DGKB: variants seen among roughly 807,000 people sequenced by gnomAD.
DGKB encodes the protein diacylglycerol kinase beta.
A neutral mutation model predicts 114.3 loss-of-function variants in DGKB; 67 were observed. The observed-to-expected ratio is 0.59, with a 90% CI of 0.48 to 0.72. The LOEUF (loss-of-function observed/expected upper bound fraction) is 0.72, where lower values mean the gene tolerates loss of function less well. Among genes scored for constraint, DGKB ranks in the 30% least tolerant of loss-of-function variants. DGKB has a pLI of 0.00. For missense variants in DGKB, 907 were observed against 975.2 expected, an observed-to-expected ratio of 0.93 and a Z score of 0.93; for synonymous variants, 398 against 323.1, an observed-to-expected ratio of 1.23 and a Z score of -2.49.
Position 14,354,177 on chromosome 7 carries a change from AAT to A in DGKB, c.1836-8788_1836-8787del, listed in dbSNP as rs1249574344. 3.9e-5 allele frequency among the ~76,000 whole-genome samples: 6 copies of A among 152,326 alleles called. No homozygotes were observed. In the East Asian group the frequency reaches 1.2e-3, roughly 29 times the overall value. ...TATTTAAGATATGGTATTTCTCTAT[AAT>A]ATAAATAGGAACATGTACAGCCTAG... On this transcript the variant is annotated intron_variant, in intron 21 of 25. Transcript: ENST00000402815.
chr7:14,840,214 C>T (rs1045589657), intron 2 of DGKB, among the ~76,000 whole-genome samples: 2 of 152,108 alleles, frequency 1.3e-5, no homozygotes, highest in African/African-American at 2.4e-5. Context: ...TTCACTATCA[C>T]GTGCTGTTTG....
intron 17 of DGKB, among the ~76,000 whole-genome samples, chr7:14,605,984 G>A (rs1374972589): frequency 6.6e-6 from 1 of 152,116 alleles, no homozygotes; most frequent in East Asian, 1.9e-4. Context: ...GTAATTAGCA[G>A]AGCCAATTGA....
At chr7:14,861,530 A>G (rs1850975030) in intron 1 of DGKB, among the ~76,000 whole-genome samples, 1 of 151,794 alleles carries the variant, frequency 6.6e-6, no homozygotes, top group Admixed American at 6.6e-5. Context: ...ATAATAAAGT[A>G]CCCTCCCTTG....
intron 25 of DGKB, among the ~76,000 whole-genome samples, chr7:14,152,088 G>A (rs1446965902): frequency 5.9e-5 from 9 of 151,886 alleles, no homozygotes; most frequent in Admixed American, 4.6e-4. Flanking sequence ...TGCCTGTTTT[G>A]TATACATTGA....
chr7:14,854,001 T>C (rs1849766645), intron 1 of DGKB, among the ~76,000 whole-genome samples: 1 of 152,138 alleles, frequency 6.6e-6, no homozygotes, highest in South Asian at 2.1e-4. Context: ...CTTTATCACA[T>C]CTTGCCTGAC....
At chr7:14,278,603 C>T (rs1022064778) in intron 23 of DGKB, among the ~76,000 whole-genome samples, 1 of 151,974 alleles carries the variant, frequency 6.6e-6, no homozygotes, top group African/African-American at 2.4e-5. Context: ...GGGATATGAC[C>T]CCCAAAGCAC....
chr7:14,521,451 T>C (rs1054455892), intron 20 of DGKB, among the ~76,000 whole-genome samples: 2 of 152,148 alleles, frequency 1.3e-5, no homozygotes, highest in Admixed American at 1.3e-4. Flanking sequence ...GATTTTAGAG[T>C]GCTGTAGATT....
intron 5 of DGKB, among the ~76,000 whole-genome samples, chr7:14,729,258 G>C (rs1395054926): frequency 1.3e-5 from 2 of 149,564 alleles, no homozygotes; most frequent in Non-Finnish European, 3.0e-5. Flanking sequence ...GAGTAGCTGG[G>C]ACTACAGGCG....
intron 23 of DGKB, among the ~76,000 whole-genome samples, chr7:14,188,696 T>G (rs1157263895): frequency 6.8e-6 from 1 of 146,280 alleles, no homozygotes; most frequent in East Asian, 2.0e-4. Context: ...GATCCCCAAT[T>G]ACATTCAATC....
intron 1 of DGKB, among the ~76,000 whole-genome samples, chr7:14,850,598 T>C (rs144507788): frequency 1.8e-3 from 280 of 152,254 alleles, no homozygotes; most frequent in African/African-American, 6.2e-3. Flanking sequence ...TTCTCAATGA[T>C]GTATAAGTCT....
intron 13 of DGKB, among the ~76,000 whole-genome samples, chr7:14,670,288 T>C (rs1408564464): frequency 1.3e-5 from 2 of 150,896 alleles, no homozygotes; most frequent in South Asian, 2.1e-4. Flanking sequence ...TTATACTATA[T>C]ATATATATAT....
At chr7:14,815,405 G>T (rs1169145135) in intron 2 of DGKB, among the ~76,000 whole-genome samples, 2 of 152,176 alleles carry the variant, frequency 1.3e-5, no homozygotes, top group East Asian at 3.8e-4. Context: ...AATATCTCAA[G>T]TCTGGATATC....
At position 14,639,095 on chromosome 7, in the gene DGKB, C is replaced by T. The variant is rs570669278; in HGVS notation, c.1135-8827G>A. Among the ~76,000 whole-genome samples the T allele has an allele frequency of 9.6e-4, 146 of 151,954 alleles. 1 individual carries two copies. The highest frequency in any genetic ancestry group is 3.5e-3 in the African/African-American group (144 of 41,430). ...TAAAAAAAACACGAAGTGAGCATTT[C>T]GATCTAGATGTATGTGGGGAGAATG... is the stretch of plus-strand genomic sequence containing the variant. On this transcript the variant is annotated intron_variant, in intron 13 of 25. Transcript: ENST00000402815.
At chr7:14,302,178 G>A (rs1308781515) in intron 23 of DGKB, among the ~76,000 whole-genome samples, 1 of 152,008 alleles carries the variant, frequency 6.6e-6, no homozygotes, top group Non-Finnish European at 1.5e-5. Flanking sequence ...TAATGTTTAG[G>A]AATGTATTCT....
chr7:14,334,211 A>T (rs2128563405), intron 23 of DGKB, among the ~76,000 whole-genome samples: 1 of 152,254 alleles, frequency 6.6e-6, no homozygotes, highest in East Asian at 1.9e-4. Flanking sequence ...TGTGGTTCCC[A>T]TGCACTGTGG....
intron 21 of DGKB, among the ~76,000 whole-genome samples, chr7:14,443,918 C>G (rs187449301): frequency 6.6e-6 from 1 of 151,698 alleles, no homozygotes; most frequent in African/African-American, 2.4e-5. Context: ...GGATTCTAAT[C>G]GCATGCTTCT....
At chr7:14,391,994 G>T (rs550862829) in intron 21 of DGKB, among the ~76,000 whole-genome samples, 2 of 152,170 alleles carry the variant, frequency 1.3e-5, no homozygotes, top group East Asian at 3.9e-4. Context: ...TACTTAAATG[G>T]TGTGAAAATT....
intron 5 of DGKB, among the ~76,000 whole-genome samples, chr7:14,722,944 A>G (rs1829429184): frequency 6.6e-6 from 1 of 151,822 alleles, no homozygotes; most frequent in African/African-American, 2.4e-5. Flanking sequence ...CTGAAAGCAG[A>G]CCCTGGTCCT....
rs556257464 is a variant in DGKB, at chr7:14,800,931, TG to T, written c.70+40262del. On this transcript the variant is annotated intron_variant, in intron 2 of 25. Coordinates refer to ENST00000402815, the MANE Select transcript of DGKB (RefSeq NM_001350709.2). ...AAGAGCCATGACCAGTTGAGGTACA[TG>T]TTGAAAGCAAGAGAATACAGCATGA... Among the ~76,000 whole-genome samples, 3 of 152,156 alleles carry T rather than the reference TG, an allele frequency of 2.0e-5. No homozygotes were observed. The South Asian group carries it at 6.2e-4, about 32-fold the overall frequency.
Sources: allele counts gnomAD v4.1 joint callset (sites outside exome capture counted in the v4.1 genomes callset), GRCh38; gene constraint gnomAD v4.1.1; transcripts MANE v1.5; gene names NCBI Gene and HGNC (gene_info 2026-07-23, HGNC 2026-07-21).